Variants in SLC28A2 observed in about 807,000 individuals in gnomAD.
The protein encoded by SLC28A2 is sodium/nucleoside cotransporter 2.
A neutral mutation model predicts 72.9 loss-of-function variants in SLC28A2; 69 were observed. The observed-to-expected ratio is 0.95, with a 90% CI of 0.78 to 1.16. The LOEUF is 1.16. Among genes scored for constraint, SLC28A2 ranks in the 50% most tolerant of loss-of-function variants. SLC28A2 has a pLI of 0.00. For missense variants in SLC28A2, 745 were observed against 791.1 expected (o/e 0.94, Z 0.70); for synonymous variants, 296 against 294.1 (o/e 1.01, Z -0.07).
intron 3 of SLC28A2, among the ~76,000 whole-genome samples, chr15:45,257,509 T>C (rs1020801761): frequency 2.0e-5 from 3 of 152,246 alleles, no homozygotes; most frequent in Non-Finnish European, 2.9e-5. Context: ...ATTCAATAAA[T>C]ACATGTTAAT....
chr15:45,259,236 T>G (rs73415949), intron 3 of SLC28A2, among the ~76,000 whole-genome samples: 4,830 of 152,296 alleles, frequency 0.032, 266 homozygotes, highest in African/African-American at 0.11. Context: ...GTATGTAAGG[T>G]AATACATGTG....
intron 12 of SLC28A2, 103 bp downstream of exon 12, chr15:45,267,899 T>G: frequency 1.5e-6 from 2 of 1,340,186 alleles, no homozygotes; most frequent in African/African-American, 1.4e-5. Flanking sequence ...AATAATGTGA[T>G]TCCATATTCC....
chr15:45,268,343 G>A lies in SLC28A2; in HGVS notation c.1333G>A (p.Gly445Arg). 6.2e-7 allele frequency: 1 copy of A among 1,605,526 alleles called. No individual in the cohort carries two copies. The highest frequency in any genetic ancestry group is 8.5e-7 in the Non-Finnish European group (1 of 1,173,108). Residue 445 changes from glycine (G) to arginine (R), a missense_variant, in exon 13 of 18, where the codon GGG (glycine) becomes AGG (arginine). Gly to Arg is a moderately radical substitution (Grantham distance 125). Transcript: ENST00000347644. ...CATCAATGCTGCCCTCTCCTGGCTG[G>A]GGGAATTGGTGGACATACAGGGGCT... ...AFINAALSWL[G>R]ELVDIQGLTF...
In SLC28A2 at chr15:45,272,307, C is replaced by G; in HGVS notation, c.1661C>G (p.Pro554Arg). The G allele has an allele frequency of 6.2e-7, 1 of 1,613,646 alleles. No homozygotes were observed. Among genetic ancestry groups the G allele is most frequent in the Non-Finnish European group, 8.5e-7 (1 of 1,179,942 alleles). The change falls in exon 16 of 18, where the codon CCT becomes CGT. Residue 554 changes from proline (P) to arginine (R), a missense_variant. Coordinates refer to ENST00000347644, the MANE Select transcript of SLC28A2 (RefSeq NM_004212.4). Reference sequence around the variant, plus strand: ...TTATTGTCTGCAGCATCAATAGTACCTCACCGGAAGAGTGACTTGTCCAAG... The same window carrying G: ...TTATTGTCTGCAGCATCAATAGTACGTCACCGGAAGAGTGACTTGTCCAAG... ...ITLGGLTSIVPHRKSDLSKVV... is the reference protein window; with the variant it reads ...ITLGGLTSIVRHRKSDLSKVV...
intron 17 of SLC28A2, among the ~76,000 whole-genome samples, chr15:45,273,149 A>G (rs1900640584): frequency 6.6e-6 from 1 of 152,224 alleles, no homozygotes; most frequent in Non-Finnish European, 1.5e-5. Flanking sequence ...CAACATAGCG[A>G]GACCCTGTCT....
At chr15:45,261,872 C>A in intron 3 of SLC28A2, 143 bp from the exon 4 acceptor site, 1 of 685,048 alleles carries the variant, frequency 1.5e-6, no homozygotes, top group Non-Finnish European at 2.7e-6. Flanking sequence ...CAGGACACTA[C>A]CTAACTTCCT....
At chr15:45,272,180 T>A (rs1228474336) in intron 15 of SLC28A2, 115 bp from the exon 16 acceptor site, 2 of 743,818 alleles carry the variant, frequency 2.7e-6, no homozygotes, top group Non-Finnish European at 4.5e-6. Flanking sequence ...GTAATAAGGA[T>A]GCTCTTCATC....
At chr15:45,272,608 G>A in intron 16 of SLC28A2, 65 bp from the exon 17 acceptor site, 1 of 1,014,192 alleles carries the variant, frequency 9.9e-7, no homozygotes, top group Non-Finnish European at 1.6e-6. Context: ...CGTGCCAAAA[G>A]AATAAAGAGC....
chr15:45,260,613 T>C (rs1900130046), intron 3 of SLC28A2, among the ~76,000 whole-genome samples: 1 of 151,824 alleles, frequency 6.6e-6, no homozygotes, highest in African/African-American at 2.4e-5. Context: ...AAAAAGAAAA[T>C]TAGCTGGGCG....
In SLC28A2 at chr15:45,270,197, G is replaced by A; in HGVS notation, c.1569G>A (p.Val523=). ...WIEGEKQWIS[V]RAEIITTFSL... is the part of the protein sequence containing the mutation. ...TTATTTATTTTTGTTTTCCCTAGGT[G>A]AGAGCTGAAATCATTACAACATTTT... The change falls in exon 15 of 18, where the codon GTG becomes GTA. Residue 523 remains valine (V), a splice_region_variant and synonymous_variant. Coordinates refer to ENST00000347644, the MANE Select transcript of SLC28A2 (RefSeq NM_004212.4). The A allele has an allele frequency of 3.1e-6, 5 of 1,611,186 alleles. No homozygotes were observed. Among genetic ancestry groups the A allele is most frequent in the South Asian group, 2.2e-5 (2 of 91,022 alleles).
chr15:45,252,807 C>T (rs1022737952), intron 1 of SLC28A2, among the ~76,000 whole-genome samples: 1 of 152,176 alleles, frequency 6.6e-6, no homozygotes, highest in Non-Finnish European at 1.5e-5. Flanking sequence ...TCTTACTCAG[C>T]AAGCTCAGTG....
At position 45,275,484 on chromosome 15, in the gene SLC28A2, G is replaced by A. The variant is rs749755463; in HGVS notation, c.1948G>A (p.Gly650Arg). ...FSAMALTNCC[G>R]FYNNTVCA ...TGCTATGGCCCTTACTAACTGCTGT[G>A]GATTCTACAACAATACCGTCTGTGC... is the stretch of plus-strand genomic sequence containing the variant. The change falls in exon 18 of 18, where the codon GGA becomes AGA. Residue 650 changes from glycine (G) to arginine (R), a missense_variant. Gly to Arg is a moderately radical substitution (Grantham distance 125). Coordinates refer to ENST00000347644, the MANE Select transcript of SLC28A2 (RefSeq NM_004212.4). 55 of 1,607,276 alleles carry A rather than the reference G, an allele frequency of 3.4e-5. No homozygotes were observed. In the Admixed American group the frequency reaches 7.2e-4, roughly 21 times the overall value.
intron 2 of SLC28A2, 51 bp downstream of exon 2, chr15:45,253,347 C>A: frequency 6.4e-7 from 1 of 1,553,022 alleles, no homozygotes; most frequent in Non-Finnish European, 8.9e-7. Flanking sequence ...GCTGCATGGG[C>A]TCCTGTAGGG....
At chr15:45,261,245 G>A (rs190198966) in intron 3 of SLC28A2, among the ~76,000 whole-genome samples, 1 of 152,352 alleles carries the variant, frequency 6.6e-6, no homozygotes, top group East Asian at 1.9e-4. Context: ...TAGGGAAGAT[G>A]TGGCATAGAA....
rs528160887 is a variant in SLC28A2 at position 45,272,067 on chromosome 15, A to G, written c.1649-228A>G. ...TCACAGAACCATTAAAGTGAGGGTC[A>G]GACACTCAATACTTGATCTGAGGAA... On this transcript the variant is annotated intron_variant, in intron 15 of 17. Coordinates refer to ENST00000347644, the MANE Select transcript of SLC28A2 (RefSeq NM_004212.4). The G allele has an allele frequency of 1.6e-5, 8 of 503,838 alleles. No homozygotes were observed. The East Asian group carries it at 2.6e-4, about 17-fold the overall frequency. The allele number at this position is 503,838 out of a possible 1,614,324, so 31.2% of individuals were successfully genotyped here.
chr15:45,268,793 T>G (rs1900431124), intron 13 of SLC28A2, among the ~76,000 whole-genome samples: 1 of 151,974 alleles, frequency 6.6e-6, no homozygotes, highest in African/African-American at 2.4e-5. Context: ...ATAGACTGGA[T>G]TAAGAAAATG....
At chr15:45,269,675 G>C (rs1900482825) in intron 14 of SLC28A2, 140 bp downstream of exon 14, 3 of 682,352 alleles carry the variant, frequency 4.4e-6, no homozygotes, top group Non-Finnish European at 5.1e-6. Flanking sequence ...AAAGCCAGCA[G>C]AACAGCCTAC....
chr15:45,252,235 G>A lies in SLC28A2; in HGVS notation c.-60G>A, dbSNP rs61553676. On this transcript the variant is annotated 5_prime_UTR_variant, in exon 1 of 18. Transcript: ENST00000347644. ...CCCTCGCAGCTGAGCTTTTCTTTCA[G>A]TCCTTCACTGAGGAGCCAGAGGGAA... The A allele has an allele frequency of 3.3e-5, 15 of 455,506 alleles. No homozygotes were observed. The highest frequency in any genetic ancestry group is 6.2e-5 in the Non-Finnish European group (14 of 226,802). The allele number at this position is 455,506 out of a possible 1,614,324, so 28.2% of individuals were successfully genotyped here. A position where few individuals can be genotyped will look rare whatever the true frequency, so the allele number is the denominator to read the frequency against.
At chr15:45,261,885 T>C in intron 3 of SLC28A2, 130 bp from the exon 4 acceptor site, 1 of 715,186 alleles carries the variant, frequency 1.4e-6, no homozygotes, top group Non-Finnish European at 2.5e-6. Context: ...AACTTCCTCC[T>C]GGCTGAAGAA....
Sources: gnomAD v4.1 joint callset for allele counts (sites outside exome capture counted in the v4.1 genomes callset) on GRCh38, gnomAD v4.1.1 for gene constraint, MANE v1.5 for transcripts, NCBI Gene and HGNC (gene_info 2026-07-23, HGNC 2026-07-21) for gene names.